VPS50: variants seen among roughly 807,000 people sequenced by gnomAD.
VPS50 encodes VPS50 subunit of EARP/GARPII complex, also known as syndetin.
Under a neutral mutation model 139.7 loss-of-function variants are expected in VPS50, and 70 were observed. That is an observed-to-expected ratio of 0.50 (90% confidence interval 0.41 to 0.61). The LOEUF (loss-of-function observed/expected upper bound fraction) is 0.61, where lower values mean the gene tolerates loss of function less well. Among genes scored for constraint, VPS50 ranks in the 20% least tolerant of loss-of-function variants. The probability of loss-of-function intolerance (pLI) is 0.00; values close to 1 mark genes in which losing one functional copy is unlikely to be tolerated. For synonymous variants in VPS50, 365 were observed against 376.7 expected (o/e 0.97, Z 0.36); for missense variants, 921 against 1,133.7 (o/e 0.81, Z 2.69).
At chr7:93,356,250 G>A (rs534050563) in intron 27 of VPS50, 170 bp downstream of exon 27, 96 of 370,178 alleles carry the variant, frequency 2.6e-4, no homozygotes, top group African/African-American at 1.3e-3. Context: ...TAAGGGCACC[G>A]TATCTAAGCA....
intron 16 of VPS50, 106 bp from the exon 17 acceptor site, chr7:93,303,353 CA>C: frequency 2.1e-6 from 1 of 466,106 alleles, no homozygotes; most frequent in Non-Finnish European, 3.8e-6. Flanking sequence ...TGATTATGAT[CA>C]TGACAATAAT....
intron 2 of VPS50, among the ~76,000 whole-genome samples, chr7:93,245,898 C>T (rs1360773781): frequency 1.3e-5 from 2 of 151,772 alleles, no homozygotes; most frequent in African/African-American, 2.4e-5. Context: ...TATAAACTTA[C>T]GTGGCATGTG....
chr7:93,343,700 C>T (rs1798297780), intron 23 of VPS50, among the ~76,000 whole-genome samples: 1 of 152,100 alleles, frequency 6.6e-6, no homozygotes, highest in South Asian at 2.1e-4. Context: ...AAAGAATTTC[C>T]AACCCAGAAT....
intron 20 of VPS50, among the ~76,000 whole-genome samples, chr7:93,318,431 C>T (rs927898918): frequency 3.3e-5 from 5 of 152,060 alleles, no homozygotes; most frequent in Non-Finnish European, 5.9e-5. Flanking sequence ...CTTTCCTTTA[C>T]GCCTCTTTTA....
At position 93,246,225 on chromosome 7, in the gene VPS50, G is replaced by T. The variant is rs1439948035; in HGVS notation, c.102+6291G>T. 7.3e-6 allele frequency: 6 copies of T among 819,218 alleles called. No individual in the cohort carries two copies. The South Asian group carries it at 9.3e-5, about 13-fold the overall frequency. 50.7% of individuals were successfully genotyped at this position (819,218 alleles called of 1,614,324 possible). A position where few individuals can be genotyped will look rare whatever the true frequency, so the allele number is the denominator to read the frequency against. On this transcript the variant is annotated intron_variant, in intron 2 of 27. Coordinates refer to ENST00000305866, the MANE Select transcript of VPS50 (RefSeq NM_017667.4). ...CAGTAAAAAAAAGTCTTTGATCAAA[G>T]ATTTGCTGTGGCAAACCGCAAATCA...
rs1323139283 is a variant in VPS50 at position 93,359,341 on chromosome 7, TACGGTCATATGTTC to T, written c.*908_*921del. The T allele has an allele frequency of 7.2e-5, 11 of 152,162 alleles. No individual in the cohort carries two copies. The East Asian group carries it at 2.1e-3, about 29-fold the overall frequency. 9.4% of individuals were successfully genotyped at this position (152,162 alleles called of 1,614,324 possible). ...GTTGTCTGCTAGTCACTCATAAATG[TACGGTCATATGTTC>T]ACTCTTCTTAAATATCCACCTTTTA... On this transcript the variant is annotated 3_prime_UTR_variant, in exon 28 of 28. Transcript: ENST00000305866.
intron 23 of VPS50, 23 bp downstream of exon 23, chr7:93,341,598 G>C (rs371089166): frequency 1.3e-6 from 2 of 1,540,336 alleles, no homozygotes; most frequent in Admixed American, 2.1e-5. Context: ...AAACAGTTGC[G>C]TTGCCATTAA....
At chr7:93,278,789 A>ATG (rs1441117188) in intron 12 of VPS50, among the ~76,000 whole-genome samples, 2 of 151,576 alleles carry the variant, frequency 1.3e-5, no homozygotes, top group Non-Finnish European at 2.9e-5. Context: ...GGTGATATAT[A>ATG]TATATATATG....
chr7:93,319,592 T>C (rs1797539813), intron 20 of VPS50, among the ~76,000 whole-genome samples: 2 of 152,228 alleles, frequency 1.3e-5, no homozygotes, highest in African/African-American at 4.8e-5. Context: ...TTCTCTCTCT[T>C]TGAAAACTTT....
intron 6 of VPS50, chr7:93,257,675 AT>A: frequency 2.6e-6 from 1 of 377,900 alleles, no homozygotes; most frequent in Non-Finnish European, 4.6e-6. Context: ...AAAAATTACT[AT>A]TTTTATATTA....
At chr7:93,285,709 G>A (rs1796462820) in intron 12 of VPS50, among the ~76,000 whole-genome samples, 1 of 152,136 alleles carries the variant, frequency 6.6e-6, no homozygotes, top group Non-Finnish European at 1.5e-5. Context: ...TAGAAGAAAT[G>A]GAAGGTGCCA....
In VPS50 at chr7:93,358,598, A is replaced by G. The variant is rs1798771457; in HGVS notation, c.*162A>G. ...ATATTGAAATGTGTGTGGTGTTCTCATGACTTTTATATGCTGTGGTCTCTT... is the reference window on the plus strand; with the variant it reads ...ATATTGAAATGTGTGTGGTGTTCTCGTGACTTTTATATGCTGTGGTCTCTT... On this transcript the variant is annotated 3_prime_UTR_variant, in exon 28 of 28. Coordinates refer to ENST00000305866, the MANE Select transcript of VPS50 (RefSeq NM_017667.4). 4.9e-6 allele frequency: 3 copies of G among 610,658 alleles called. No homozygotes were observed. The highest frequency in any genetic ancestry group is 2.6e-5 in the Admixed American group (1 of 38,480). The allele number at this position is 610,658 out of a possible 1,614,324, so 37.8% of individuals were successfully genotyped here.
At chr7:93,251,915 A>G (rs1248790481) in intron 2 of VPS50, among the ~76,000 whole-genome samples, 1 of 152,166 alleles carries the variant, frequency 6.6e-6, no homozygotes, top group East Asian at 1.9e-4. Context: ...AAAATTTACT[A>G]GTTAACTGAA....
In VPS50 at chr7:93,257,970, A is replaced by G. The variant is rs775513028; in HGVS notation, c.423-189A>G. 49 of 442,982 alleles carry G rather than the reference A, an allele frequency of 1.1e-4. 1 individual carries two copies. The highest frequency in any genetic ancestry group is 2.3e-4 in the South Asian group (5 of 21,502). 27.4% of individuals were successfully genotyped at this position (442,982 alleles called of 1,614,324 possible). ...ACTAGCAGGTTGTGAATTGGCACCA[A>G]TCTTCTCGTGGTGTTCTGAGTAATG... On this transcript the variant is annotated intron_variant, in intron 6 of 27. Coordinates refer to ENST00000305866, the MANE Select transcript of VPS50 (RefSeq NM_017667.4).
At chr7:93,268,031 G>A (rs1795893127) in intron 9 of VPS50, among the ~76,000 whole-genome samples, 1 of 152,118 alleles carries the variant, frequency 6.6e-6, no homozygotes, top group African/African-American at 2.4e-5. Flanking sequence ...ATGTCTTTAG[G>A]GACCAGGCAG....
chr7:93,314,833 T>G (rs185736271), intron 20 of VPS50, among the ~76,000 whole-genome samples: 5 of 152,222 alleles, frequency 3.3e-5, no homozygotes, highest in African/African-American at 9.6e-5. Flanking sequence ...CATTAGGACA[T>G]TCTTTTCATT....
chr7:93,276,325 C>T lies in VPS50; in HGVS notation c.942+20C>T. 1 of 1,595,802 alleles carries T rather than the reference C, an allele frequency of 6.3e-7. No individual in the cohort carries two copies. On this transcript the variant is annotated intron_variant, in intron 12 of 27. Coordinates refer to ENST00000305866, the MANE Select transcript of VPS50 (RefSeq NM_017667.4). Reference sequence around the variant, plus strand: ...TGTACAGTATGTAGTGACTTAATTACTATTCATATATCTCTCCTTTAGATT... The same window carrying T: ...TGTACAGTATGTAGTGACTTAATTATTATTCATATATCTCTCCTTTAGATT...
chr7:93,329,913 C>G (rs1224786853), intron 21 of VPS50, among the ~76,000 whole-genome samples: 1 of 152,080 alleles, frequency 6.6e-6, no homozygotes, highest in Non-Finnish European at 1.5e-5. Flanking sequence ...AGTTATTAAA[C>G]TGAAGGGGAA....
At chr7:93,342,404 G>A (rs1428232166) in intron 23 of VPS50, among the ~76,000 whole-genome samples, 1 of 152,198 alleles carries the variant, frequency 6.6e-6, no homozygotes, top group South Asian at 2.1e-4. Context: ...CTGGGGGAGG[G>A]GCACCCGCCA....
Sources: allele counts gnomAD v4.1 joint callset (sites outside exome capture counted in the v4.1 genomes callset), GRCh38; gene constraint gnomAD v4.1.1; transcripts MANE v1.5; gene names NCBI Gene and HGNC (gene_info 2026-07-23, HGNC 2026-07-21).